Variants in FBXL16 observed in about 807,000 individuals in gnomAD.
FBXL16 encodes F-box/LRR-repeat protein 16.
FBXL16 carries 7 observed loss-of-function variants against 36.7 expected under a neutral mutation model. The ratio of observed to expected loss-of-function variants is 0.19; its 90% CI spans 0.11 to 0.36. The LOEUF is 0.36. Ranked by LOEUF, FBXL16 falls within the 10% of genes least tolerant of loss-of-function variation. The pLI, the probability that FBXL16 is intolerant of heterozygous loss-of-function variation, is 1.00. For synonymous variants in FBXL16, 355 were observed against 308.7 expected (o/e 1.15, Z -1.57); for missense variants, 463 against 659.4 (o/e 0.70, Z 3.26).
chr16:694,511 C>G, intron 5 of FBXL16, 88 bp from the exon 6 acceptor site: 3 of 1,500,408 alleles, frequency 2.0e-6, no homozygotes, highest in Non-Finnish European at 1.8e-6. Context: ...TCCTCCGCCT[C>G]GGACCCGGGA....
In FBXL16 at chr16:694,400, CGGT is replaced by C; in HGVS notation, c.1312_1314del (p.Thr438del). ...TGCAGCTGCACCAGGCCCGACAGCCCGGTGGTGGTGAGCAGCGGGCAGCCTGCG... is the reference window on the plus strand; with the variant it reads ...TGCAGCTGCACCAGGCCCGACAGCCCGGTGGTGAGCAGCGGGCAGCCTGCG... On this transcript the variant is annotated inframe_deletion, in exon 6 of 6. Coordinates refer to ENST00000397621, the MANE Select transcript of FBXL16 (RefSeq NM_153350.4). The C allele has an allele frequency of 6.4e-7, 1 of 1,550,512 alleles. No individual in the cohort carries two copies. The highest frequency in any genetic ancestry group is 8.6e-7 in the Non-Finnish European group (1 of 1,156,860).
intron 1 of FBXL16, among the ~76,000 whole-genome samples, chr16:701,140 C>G (rs2040053397): frequency 6.6e-6 from 1 of 152,222 alleles, no homozygotes; most frequent in Non-Finnish European, 1.5e-5. Flanking sequence ...AGTCCCGTCC[C>G]CACCTCCAGG....
In FBXL16 at chr16:697,262, C is replaced by A. The variant is rs1436215241; in HGVS notation, c.144G>T (p.Gln48His). Reference protein sequence around the residue: ...GTPATKNRPCQPPPPPTLPPP... With the variant: ...GTPATKNRPCHPPPPPTLPPP... ...GTGGGAGGGTGGGTGGGGGTGGTGG[C>A]TGGCAGGGGCGGTTCTTGGTGGCTG... The change falls in exon 2 of 6, where the codon CAG becomes CAT. Residue 48 changes from glutamine (Q) to histidine (H), a missense_variant. Around this residue, in one of 3 missense-constraint regions of FBXL16, gnomAD observed 263 missense variants for 341.1 expected, o/e 0.77. Transcript: ENST00000397621. This position sits in a 1 kb window ranked among gnomAD's most constrained non-coding sequence, Gnocchi z 4.6. The A allele has an allele frequency of 1.8e-6, 1 of 562,666 alleles. No individual in the cohort carries two copies. Among genetic ancestry groups the A allele is most frequent in the Non-Finnish European group, 2.2e-6 (1 of 448,458 alleles). The allele number at this position is 562,666 out of a possible 1,614,324, so 34.9% of individuals were successfully genotyped here.
intron 1 of FBXL16, among the ~76,000 whole-genome samples, chr16:703,635 C>T (rs538128634): frequency 6.6e-6 from 1 of 152,250 alleles, no homozygotes; most frequent in South Asian, 2.1e-4. Flanking sequence ...CCACTTGGCA[C>T]GTGGCACAGC....
At position 699,771 on chromosome 16, in the gene FBXL16, C is replaced by T. The variant is rs1567299315; in HGVS notation, c.-14-2352G>A. Among the ~76,000 whole-genome samples the T allele has an allele frequency of 2.0e-5, 3 of 152,090 alleles. No individual in the cohort carries two copies. In the South Asian group the frequency reaches 6.2e-4, roughly 32 times the overall value. On this transcript the variant is annotated intron_variant, in intron 1 of 5. Coordinates refer to ENST00000397621, the MANE Select transcript of FBXL16 (RefSeq NM_153350.4). Reference sequence around the variant, plus strand: ...AGGGGCCAAAGCCTCTCCCAGCCCACCCTGCCCCCTCCTGCCACAGCCTCA... The same window carrying T: ...AGGGGCCAAAGCCTCTCCCAGCCCATCCTGCCCCCTCCTGCCACAGCCTCA...
rs542984218 is a variant in FBXL16, at chr16:700,039, GGGGAGGCA to G, written c.-14-2628_-14-2621del. Among the ~76,000 whole-genome samples, 869 of 152,230 alleles carry G rather than the reference GGGGAGGCA, an allele frequency of 5.7e-3. 6 individuals are homozygous for G. Among genetic ancestry groups the G allele is most frequent in the South Asian group, 0.039 (188 of 4,814 alleles). ...TTCCCCATAATCTGGTCAGGGGGGA[GGGGAGGCA>G]GGGAGGCAGGGAGGCAGTGGGAGGT... On this transcript the variant is annotated intron_variant, in intron 1 of 5. Transcript: ENST00000397621.
intron 1 of FBXL16, among the ~76,000 whole-genome samples, chr16:699,167 A>G (rs534706626): frequency 2.6e-5 from 4 of 152,182 alleles, no homozygotes; most frequent in Non-Finnish European, 5.9e-5. Context: ...TCATGGCCAG[A>G]TAAGTGGTGA....
intron 1 of FBXL16, among the ~76,000 whole-genome samples, chr16:704,785 C>T (rs1404920482): frequency 6.6e-6 from 1 of 152,246 alleles, no homozygotes; most frequent in African/African-American, 2.4e-5. Context: ...GCTGCCCGAA[C>T]AGAGCCTGGA....
Position 696,640 on chromosome 16 carries a change from G to T in FBXL16, c.633+133C>A, listed in dbSNP as rs187343236. Reference sequence around the variant, plus strand: ...CTTTGAACAAGGGACCCACATTTTCGCTTTGCGCGAGGTCCCCTGTAGTCA... The same window carrying T: ...CTTTGAACAAGGGACCCACATTTTCTCTTTGCGCGAGGTCCCCTGTAGTCA... On this transcript the variant is annotated intron_variant, in intron 2 of 5. Transcript: ENST00000397621. 1.2e-5 allele frequency: 6 copies of T among 484,344 alleles called. No homozygotes were observed. The African/African-American group carries it at 1.6e-4, about 13-fold the overall frequency. 30.0% of individuals were successfully genotyped at this position (484,344 alleles called of 1,614,324 possible). A position where few individuals can be genotyped will look rare whatever the true frequency, so the allele number is the denominator to read the frequency against.
Position 697,358 on chromosome 16 carries a change from A to G in FBXL16, c.48T>C (p.Pro16=). 2 of 1,536,698 alleles carry G rather than the reference A, an allele frequency of 1.3e-6. No individual in the cohort carries two copies. The highest frequency in any genetic ancestry group is 1.7e-6 in the Non-Finnish European group (2 of 1,147,600). ...IDGDPKPPCL[P]RNGLVKLPGQ... Reference sequence around the variant, plus strand: ...CCGGCAGCTTCACCAGACCGTTTCGAGGCAAGCATGGAGGCTTGGGGTCGC... The same window carrying G: ...CCGGCAGCTTCACCAGACCGTTTCGGGGCAAGCATGGAGGCTTGGGGTCGC... The change falls in exon 2 of 6, where the codon CCT becomes CCC. Residue 16 remains proline, a synonymous_variant. Coordinates refer to ENST00000397621, the MANE Select transcript of FBXL16 (RefSeq NM_153350.4). The surrounding 1 kb of genome is among the most constrained non-coding windows in gnomAD (Gnocchi z 4.6).
chr16:696,022 A>T (rs2040008739), intron 2 of FBXL16, 99 bp from the exon 3 acceptor site: 1 of 1,442,724 alleles, frequency 6.9e-7, no homozygotes, highest in Admixed American at 2.6e-5. Flanking sequence ...CTGAACCCTG[A>T]AAACATTTGG....
Position 695,666 on chromosome 16 carries a change from G to A in FBXL16, c.891C>T (p.His297=). ...CCCAGCAGGAGAGCAGGCGCAGCGTGTGCGTGCTGTGGCCCTGGCGCGCCG... is the reference window on the plus strand; with the variant it reads ...CCCAGCAGGAGAGCAGGCGCAGCGTATGCGTGCTGTGGCCCTGGCGCGCCG... ...YFTARQGHST[H]TLRLLSCWEI... The change falls in exon 3 of 6, where the codon CAC becomes CAT. Residue 297 remains histidine (H), a synonymous_variant. Transcript: ENST00000397621. The A allele has an allele frequency of 6.2e-7, 1 of 1,606,420 alleles. No individual in the cohort carries two copies. The highest frequency in any genetic ancestry group is 8.5e-7 in the Non-Finnish European group (1 of 1,179,404).
chr16:694,848 G>A, intron 4 of FBXL16, 144 bp downstream of exon 4: 5 of 1,239,206 alleles, frequency 4.0e-6, no homozygotes, highest in Non-Finnish European at 5.6e-6. Flanking sequence ...CGTGGGGGCC[G>A]CCGGGACCCC....
intron 5 of FBXL16, 38 bp downstream of exon 5, chr16:694,596 G>T (rs758015571): frequency 3.8e-6 from 6 of 1,585,240 alleles, no homozygotes; most frequent in Non-Finnish European, 5.2e-6. Context: ...GGGGGTGGGT[G>T]GTCACTGCCA....
Position 697,388 on chromosome 16 carries a change from G to T in FBXL16, c.18C>A (p.Ile6=). MSSPG[I]DGDPKPPCLP... The stretch of plus-strand genomic sequence containing the variant: ...AGCATGGAGGCTTGGGGTCGCCGTC[G>T]ATGCCCGGGCTCGACATCTTCCTGG... Residue 6 remains isoleucine, a synonymous_variant, in exon 2 of 6, where the codon ATC becomes ATA. Coordinates refer to ENST00000397621, the MANE Select transcript of FBXL16 (RefSeq NM_153350.4). This position sits in a 1 kb window ranked among gnomAD's most constrained non-coding sequence, Gnocchi z 4.6. 1 of 1,535,646 alleles carries T rather than the reference G, an allele frequency of 6.5e-7. No homozygotes were observed. Among genetic ancestry groups the T allele is most frequent in the Non-Finnish European group, 8.7e-7 (1 of 1,147,106 alleles).
At position 695,501 on chromosome 16, in the gene FBXL16, G is replaced by A. The variant is rs754022347; in HGVS notation, c.1056C>T (p.Asp352=). 8 of 1,593,896 alleles carry A rather than the reference G, an allele frequency of 5.0e-6. No homozygotes were observed. The highest frequency in any genetic ancestry group is 2.7e-5 in the African/African-American group (2 of 74,928). The stretch of plus-strand genomic sequence containing the variant: ...CGGTGATGCGTGGGCACCACGAGAG[G>A]TCAAGGCTGCGCAGCTTGCGCAGGT... ...AENLRKLRSL[D]LSWCPRITDM... The change falls in exon 3 of 6, where the codon GAC becomes GAT. Residue 352 remains aspartate (D), a synonymous_variant. Transcript: ENST00000397621.
Position 697,115 on chromosome 16 carries a change from C to G in FBXL16, c.291G>C (p.Thr97=). The G allele has an allele frequency of 6.2e-7, 1 of 1,607,174 alleles. No homozygotes were observed. Among genetic ancestry groups the G allele is most frequent in the African/African-American group, 1.3e-5 (1 of 74,894 alleles). Residue 97 remains threonine, a synonymous_variant, in exon 2 of 6, where the codon ACG becomes ACC. Coordinates refer to ENST00000397621, the MANE Select transcript of FBXL16 (RefSeq NM_153350.4). This position sits in a 1 kb window ranked among gnomAD's most constrained non-coding sequence, Gnocchi z 4.6. ...GHPAERPPLA[T]DEKILNGLFW... is the part of the protein sequence containing the mutation. ...AGAGCCCATTGAGGATCTTCTCGTC[C>G]GTGGCCAGCGGCGGCCGCTCCGCTG... is the stretch of plus-strand genomic sequence containing the variant.
rs1209247255 is a variant in FBXL16 at position 694,107 on chromosome 16, G to A, written c.*168C>T. The A allele has an allele frequency of 8.7e-6, 3 of 344,374 alleles. No homozygotes were observed. The Admixed American group carries it at 1.6e-4, about 18-fold the overall frequency. The allele number at this position is 344,374 out of a possible 1,614,324, so 21.3% of individuals were successfully genotyped here. A position where few individuals can be genotyped will look rare whatever the true frequency, so the allele number is the denominator to read the frequency against. ...CCGGGGCGGGGCTGGGAGGGCGGAG[G>A]GACCGAAGGTCGGGGAGGGGCTTTC... On this transcript the variant is annotated 3_prime_UTR_variant, in exon 6 of 6. Coordinates refer to ENST00000397621, the MANE Select transcript of FBXL16 (RefSeq NM_153350.4).
chr16:697,562 C>A lies in FBXL16; in HGVS notation c.-14-143G>T. 1.8e-6 allele frequency: 2 copies of A among 1,082,366 alleles called. No homozygotes were observed. The highest frequency in any genetic ancestry group is 1.6e-5 in the African/African-American group (1 of 61,746). 67.0% of individuals were successfully genotyped at this position (1,082,366 alleles called of 1,614,324 possible). ...CCACCAGACAGAGAGGATGGGAGTG[C>A]CTGCTTCTCCCTCCCAGACTGTGAG... On this transcript the variant is annotated intron_variant, in intron 1 of 5. Transcript: ENST00000397621. The surrounding 1 kb of genome is among the most constrained non-coding windows in gnomAD (Gnocchi z 4.6).
Sources: gnomAD v4.1 joint callset for allele counts (sites outside exome capture counted in the v4.1 genomes callset) on GRCh38, gnomAD v4.1.1 for gene constraint, gnomAD v4.1.1 regional missense constraint, Gnocchi (gnomAD v3.1) non-coding constraint, MANE v1.5 for transcripts, NCBI Gene and HGNC (gene_info 2026-07-23, HGNC 2026-07-21) for gene names.